Variants in CDYL2 observed in about 807,000 individuals in gnomAD.
The protein encoded by CDYL2 is chromodomain Y like 2.
CDYL2 carries 23 observed loss-of-function variants against 49.4 expected under a neutral mutation model. The observed-to-expected ratio is 0.47, with a 90% CI of 0.34 to 0.66. The LOEUF is 0.66. CDYL2 is among the 30% of genes least tolerant of loss of function. The pLI, the probability that CDYL2 is intolerant of heterozygous loss-of-function variation, is 0.01. For missense variants in CDYL2, 678 were observed against 656.4 expected, an observed-to-expected ratio of 1.03 and a Z score of -0.36; for synonymous variants, 360 against 268.8, an observed-to-expected ratio of 1.34 and a Z score of -3.32.
chr16:80,746,205 T>A lies in CDYL2; in HGVS notation c.24+57945A>T, dbSNP rs527588964. On this transcript the variant is annotated intron_variant, in intron 1 of 6. Coordinates refer to ENST00000570137, the MANE Select transcript of CDYL2 (RefSeq NM_152342.4). The stretch of plus-strand genomic sequence containing the variant: ...CAATTACTCCCCATTCCCATGACAA[T>A]CCGCAAATGATGGGGGACTAAAATC... 2.0e-5 allele frequency among the ~76,000 whole-genome samples: 3 copies of A among 152,176 alleles called. No homozygotes were observed. The South Asian group carries it at 6.2e-4, about 32-fold the overall frequency.
chr16:80,652,876 G>A (rs190117371), intron 2 of CDYL2, among the ~76,000 whole-genome samples: 87 of 152,218 alleles, frequency 5.7e-4, no homozygotes, highest in African/African-American at 2.0e-3. Context: ...CTCTTTTTAC[G>A]ACCATAAAAA....
intron 2 of CDYL2, among the ~76,000 whole-genome samples, chr16:80,637,326 C>G (rs1357142994): frequency 6.6e-6 from 1 of 152,126 alleles, no homozygotes; most frequent in Non-Finnish European, 1.5e-5. Flanking sequence ...GAAATGGATG[C>G]TTTGCCCTTA....
chr16:80,787,951 A>C (rs1250662584), intron 1 of CDYL2, among the ~76,000 whole-genome samples: 1 of 152,214 alleles, frequency 6.6e-6, no homozygotes, highest in Non-Finnish European at 1.5e-5. Flanking sequence ...TCCTGAGCAC[A>C]AACCCAAATA....
chr16:80,671,023 G>T (rs1597161864), intron 2 of CDYL2: 2 of 455,728 alleles, frequency 4.4e-6, no homozygotes, highest in Non-Finnish European at 8.8e-6. Context: ...ACCAGTCTAG[G>T]GTTGTGACTT....
At chr16:80,761,792 G>A (rs1248406215) in intron 1 of CDYL2, among the ~76,000 whole-genome samples, 1 of 151,156 alleles carries the variant, frequency 6.6e-6, no homozygotes. Context: ...AAGATGCTGG[G>A]AAAACTACTT....
At chr16:80,802,844 C>T (rs764676246) in intron 1 of CDYL2, among the ~76,000 whole-genome samples, 6 of 152,234 alleles carry the variant, frequency 3.9e-5, no homozygotes, top group Non-Finnish European at 7.3e-5. Context: ...TTAGGAATCA[C>T]CCCCTGCAGT....
At chr16:80,733,144 G>A (rs1443857060) in intron 1 of CDYL2, among the ~76,000 whole-genome samples, 1 of 152,158 alleles carries the variant, frequency 6.6e-6, no homozygotes, top group African/African-American at 2.4e-5. Context: ...TGTGGGCAAG[G>A]TTGAGGCAGT....
intron 2 of CDYL2, among the ~76,000 whole-genome samples, chr16:80,652,164 G>C (rs939985912): frequency 1.2e-4 from 18 of 152,164 alleles, no homozygotes; most frequent in African/African-American, 3.9e-4. Context: ...ACAGATACTA[G>C]TTTCTAACAC....
rs1905919531 is a variant in CDYL2, at chr16:80,598,131, T to C, written c.*6257A>G. On this transcript the variant is annotated 3_prime_UTR_variant, in exon 7 of 7. Coordinates refer to ENST00000570137, the MANE Select transcript of CDYL2 (RefSeq NM_152342.4). ...CCAGTCTCAGTAAATATTTACAACA[T>C]GGTGAGAAGGGGTCAGCTGTACCTT... is the stretch of plus-strand genomic sequence containing the variant. The C allele has an allele frequency of 6.6e-6, 1 of 152,184 alleles. No homozygotes were observed. Among genetic ancestry groups the C allele is most frequent in the Non-Finnish European group, 1.5e-5 (1 of 68,034 alleles). The allele number at this position is 152,184 out of a possible 1,614,324, so 9.4% of individuals were successfully genotyped here.
chr16:80,624,675 A>G (rs950203290), intron 3 of CDYL2, among the ~76,000 whole-genome samples: 2 of 152,228 alleles, frequency 1.3e-5, no homozygotes, highest in African/African-American at 4.8e-5. Context: ...TCCAAAAGAG[A>G]CTGTAAAATA....
chr16:80,735,922 C>T (rs557610159), intron 1 of CDYL2, among the ~76,000 whole-genome samples: 1 of 152,352 alleles, frequency 6.6e-6, no homozygotes, highest in African/African-American at 2.4e-5. Context: ...AAGGCAGGCA[C>T]TTAGGAATCA....
chr16:80,721,808 C>A (rs1905007628), intron 1 of CDYL2, among the ~76,000 whole-genome samples: 1 of 152,166 alleles, frequency 6.6e-6, no homozygotes, highest in African/African-American at 2.4e-5. Flanking sequence ...CCCCGGTGAC[C>A]ATCCCCATCC....
intron 1 of CDYL2, among the ~76,000 whole-genome samples, chr16:80,747,770 C>A (rs1304002547): frequency 1.3e-5 from 2 of 152,128 alleles, no homozygotes; most frequent in Non-Finnish European, 2.9e-5. Context: ...TGCCTTGCAG[C>A]CACATACACC....
chr16:80,745,827 C>T (rs927374848), intron 1 of CDYL2, among the ~76,000 whole-genome samples: 5 of 152,212 alleles, frequency 3.3e-5, no homozygotes, highest in East Asian at 1.9e-4. Context: ...GTTTCTCCAG[C>T]GACCTTCCAC....
intron 1 of CDYL2, among the ~76,000 whole-genome samples, chr16:80,790,001 T>C (rs1029384936): frequency 6.6e-6 from 1 of 152,218 alleles, no homozygotes; most frequent in Non-Finnish European, 1.5e-5. Flanking sequence ...CCCACCACTA[T>C]ACATGTAATA....
intron 5 of CDYL2, among the ~76,000 whole-genome samples, chr16:80,610,870 A>C (rs1184526708): frequency 6.6e-6 from 1 of 152,062 alleles, no homozygotes; most frequent in African/African-American, 2.4e-5. Context: ...AGATGCCCCC[A>C]GTGGACCCCG....
At chr16:80,618,435 C>T (rs370728613) in intron 4 of CDYL2, among the ~76,000 whole-genome samples, 1 of 152,190 alleles carries the variant, frequency 6.6e-6, no homozygotes. Context: ...AGGTTTTGCC[C>T]CTCAGCTTTG....
chr16:80,676,964 T>C (rs867412077), intron 2 of CDYL2, among the ~76,000 whole-genome samples: 40,767 of 88,890 alleles, frequency 0.46, 7,468 homozygotes, highest in Middle Eastern at 0.56. Context: ...ATTCAATGTA[T>C]TTTTTTTTTT....
At chr16:80,771,173 A>G (rs569113028) in intron 1 of CDYL2, among the ~76,000 whole-genome samples, 1 of 152,344 alleles carries the variant, frequency 6.6e-6, no homozygotes, top group East Asian at 1.9e-4. Flanking sequence ...TGAAAATCCA[A>G]TCTATAGAAA....
Sources: gnomAD v4.1 joint callset for allele counts (sites outside exome capture counted in the v4.1 genomes callset) on GRCh38, gnomAD v4.1.1 for gene constraint, MANE v1.5 for transcripts, NCBI Gene and HGNC (gene_info 2026-07-23, HGNC 2026-07-21) for gene names.